The following GPR89A variants were observed in gnomAD, a reference collection of about 807,000 sequenced individuals.
The protein encoded by GPR89A is G protein-coupled receptor 89A.
A neutral mutation model predicts 52.0 loss-of-function variants in GPR89A; 16 were observed. That is an observed-to-expected ratio of 0.31 (90% confidence interval 0.21 to 0.47). The LOEUF (loss-of-function observed/expected upper bound fraction) is 0.47. Ranked by LOEUF, GPR89A falls within the 20% of genes least tolerant of loss-of-function variation. The probability of loss-of-function intolerance (pLI) is 1.00; values close to 1 mark genes in which losing one functional copy is unlikely to be tolerated. For missense variants in GPR89A, 135 were observed against 449.4 expected (o/e 0.30, Z 6.33); for synonymous variants, 55 against 150.9 (o/e 0.36, Z 4.66).
At chr1:145,611,009 A>G (rs1648230234) in intron 1 of GPR89A, among the ~76,000 whole-genome samples, 1 of 152,202 alleles carries the variant, frequency 6.6e-6, no homozygotes, top group Admixed American at 6.5e-5. Flanking sequence ...TTCTGAAAGT[A>G]TCAAGTCTCA....
intron 7 of GPR89A, among the ~76,000 whole-genome samples, chr1:145,636,900 A>T (rs587765408): frequency 1.3e-5 from 2 of 152,284 alleles, no homozygotes; most frequent in East Asian, 3.9e-4. Flanking sequence ...ACAGATTGGT[A>T]AGAGTTTAAA....
chr1:145,660,365 G>T (rs1299103913), intron 10 of GPR89A, among the ~76,000 whole-genome samples: 1 of 152,124 alleles, frequency 6.6e-6, no homozygotes, highest in Non-Finnish European at 1.5e-5. Flanking sequence ...GAAAACCTAG[G>T]CGTTACCATT....
chr1:145,651,145 A>G (rs1406812856), intron 10 of GPR89A, among the ~76,000 whole-genome samples: 9 of 151,818 alleles, frequency 5.9e-5, no homozygotes, highest in Non-Finnish European at 8.8e-5. Flanking sequence ...TTAAGTCTTT[A>G]ATCCATCTTG....
intron 5 of GPR89A, among the ~76,000 whole-genome samples, chr1:145,627,499 C>T (rs1415011950): frequency 2.6e-5 from 4 of 151,676 alleles, no homozygotes; most frequent in Admixed American, 6.6e-5. Flanking sequence ...AAGAGGTATA[C>T]GGCAAGTAGA....
rs587693193 is a variant in GPR89A, at chr1:145,664,836, G to A, written c.1006-726G>A. On this transcript the variant is annotated intron_variant, in intron 11 of 13. Coordinates refer to ENST00000313835, the MANE Select transcript of GPR89A (RefSeq NM_001097612.2). ...ATTTTGTAATTCTGAATAACAAATCGTTTAGATGTTAGTAATAGCAGCTCC... is the reference window on the plus strand; with the variant it reads ...ATTTTGTAATTCTGAATAACAAATCATTTAGATGTTAGTAATAGCAGCTCC... Among the ~76,000 whole-genome samples the A allele has an allele frequency of 5.6e-3, 827 of 146,944 alleles. 5 individuals carry two copies. The highest frequency in any genetic ancestry group is 0.02 in the Admixed American group (265 of 13,406).
chr1:145,609,747 CT>C (rs1164274121), intron 1 of GPR89A, among the ~76,000 whole-genome samples: 2 of 152,174 alleles, frequency 1.3e-5, no homozygotes, highest in African/African-American at 4.8e-5. Context: ...TAATCATAGA[CT>C]TTCACTTCAC....
chr1:145,609,579 G>T (rs1648105622), intron 1 of GPR89A, among the ~76,000 whole-genome samples: 1 of 152,130 alleles, frequency 6.6e-6, no homozygotes, highest in Non-Finnish European at 1.5e-5. Context: ...ACCAATTTAA[G>T]AAAAATAACA....
intron 7 of GPR89A, among the ~76,000 whole-genome samples, chr1:145,641,967 G>A (rs781920491): frequency 2.4e-4 from 36 of 151,720 alleles, no homozygotes; most frequent in Non-Finnish European, 4.6e-4. Context: ...GAGCAAAATT[G>A]GTTTAGAATT....
chr1:145,646,557 G>C (rs1402107186), intron 9 of GPR89A: 7 of 437,032 alleles, frequency 1.6e-5, no homozygotes, highest in Non-Finnish European at 2.5e-5. Context: ...ACTAACCTGG[G>C]ATAAAGATGG....
In GPR89A at chr1:145,640,651, A is replaced by G. The variant is rs1313721364; in HGVS notation, c.618-3218A>G. On this transcript the variant is annotated intron_variant, in intron 7 of 13. Coordinates refer to ENST00000313835, the MANE Select transcript of GPR89A (RefSeq NM_001097612.2). ...CAGAGGTTGCAGTGAGCCAAGATGG[A>G]GCCACTGTACTCTAGCCTGGGTGAC... Among the ~76,000 whole-genome samples, 4 of 79,594 alleles carry G rather than the reference A, an allele frequency of 5.0e-5. No individual in the cohort carries two copies. In the East Asian group the frequency reaches 1.1e-3, roughly 21 times the overall value. 52.2% of individuals were successfully genotyped at this position (79,594 alleles called of 152,430 possible). A position where few individuals can be genotyped will look rare whatever the true frequency, so the allele number is the denominator to read the frequency against.
At chr1:145,663,453 T>C (rs1214368382) in intron 11 of GPR89A, 29 bp downstream of exon 11, 2 of 1,610,300 alleles carry the variant, frequency 1.2e-6, no homozygotes, top group Non-Finnish European at 1.7e-6. Flanking sequence ...TCCTGGTTTG[T>C]CATGTTTCTG....
At chr1:145,620,194 G>A (rs142624812) in intron 3 of GPR89A, among the ~76,000 whole-genome samples, 5,594 of 152,182 alleles carry the variant, frequency 0.037, 327 homozygotes, top group African/African-American at 0.13. Flanking sequence ...TCTGTAAAGG[G>A]CCAGATAATA....
chr1:145,666,429 T>G (rs1277686407), intron 12 of GPR89A, among the ~76,000 whole-genome samples: 1 of 152,314 alleles, frequency 6.6e-6, no homozygotes, highest in Admixed American at 6.5e-5. Context: ...AAAAAATGTT[T>G]CGTTCAACAT....
intron 12 of GPR89A, among the ~76,000 whole-genome samples, chr1:145,666,003 A>C (rs1553696400): frequency 1.4e-5 from 2 of 147,606 alleles, no homozygotes; most frequent in East Asian, 4.0e-4. Context: ...AAAAAAAAAA[A>C]ATAGGTGGTA....
chr1:145,635,695 A>C (rs1290086408), intron 7 of GPR89A, among the ~76,000 whole-genome samples: 3 of 152,230 alleles, frequency 2.0e-5, no homozygotes, highest in African/African-American at 7.2e-5. Flanking sequence ...ATAAAAGTGA[A>C]GTCATGACCG....
chr1:145,646,995 T>C (rs1651037590), intron 9 of GPR89A, 180 bp from the exon 10 acceptor site: 1 of 734,374 alleles, frequency 1.4e-6, no homozygotes, highest in African/African-American at 1.8e-5. Flanking sequence ...TATCCCAGTC[T>C]CTAGCTAAAA....
chr1:145,635,707 G>A (rs1650188660), intron 7 of GPR89A, among the ~76,000 whole-genome samples: 1 of 152,032 alleles, frequency 6.6e-6, no homozygotes, highest in Non-Finnish European at 1.5e-5. Context: ...TCATGACCGG[G>A]TACTCATGCC....
chr1:145,667,421 G>T (rs1370856239), intron 12 of GPR89A, among the ~76,000 whole-genome samples: 22 of 151,890 alleles, frequency 1.4e-4, no homozygotes, highest in African/African-American at 5.3e-4. Flanking sequence ...TGATGGGGTT[G>T]TTTTTTTTCT....
intron 1 of GPR89A, among the ~76,000 whole-genome samples, chr1:145,615,553 T>C (rs1341308019): frequency 1.3e-5 from 2 of 150,214 alleles, no homozygotes; most frequent in African/African-American, 4.9e-5. Context: ...GTTTTCACCA[T>C]GTTGGCCAGG....
Sources: allele counts gnomAD v4.1 joint callset (sites outside exome capture counted in the v4.1 genomes callset), GRCh38; gene constraint gnomAD v4.1.1; transcripts MANE v1.5; gene names NCBI Gene and HGNC (gene_info 2026-07-23, HGNC 2026-07-21).